Variants in MTFMT observed in about 807,000 individuals in gnomAD.
MTFMT encodes the protein methionyl-tRNA formyltransferase, mitochondrial.
In MTFMT, 47 loss-of-function variants were observed where a neutral mutation model predicts 51.8. The observed-to-expected ratio is 0.91, with a 90% confidence interval of 0.72 to 1.16. The LOEUF (loss-of-function observed/expected upper bound fraction) is 1.16. Among genes scored for constraint, MTFMT ranks in the 50% most tolerant of loss-of-function variants. The pLI, the probability that MTFMT is intolerant of heterozygous loss-of-function variation, is 0.00. For synonymous variants in MTFMT, 196 were observed against 176.7 expected (o/e 1.11, Z -0.87); for missense variants, 512 against 482.3 (o/e 1.06, Z -0.58).
intron 2 of MTFMT, among the ~76,000 whole-genome samples, chr15:65,025,029 C>CCTAA (rs3985664): frequency 0.84 from 127,387 of 151,598 alleles, 54,043 homozygotes; most frequent in Middle Eastern, 0.93. Context: ...TTAGGCCTGG[C>CCTAA]CTTTTATTGA....
chr15:65,029,571 G>T lies in MTFMT; in HGVS notation c.43C>A (p.His15Asn). 1 of 1,500,012 alleles carries T rather than the reference G, an allele frequency of 6.7e-7. No individual in the cohort carries two copies. Among genetic ancestry groups the T allele is most frequent in the Non-Finnish European group, 8.9e-7 (1 of 1,124,738 alleles). The allele number at this position is 1,500,012 out of a possible 1,614,324, so 92.9% of individuals were successfully genotyped here. Residue 15 changes from histidine to asparagine, a missense_variant, in exon 1 of 9, where the codon CAT (histidine) becomes AAT (asparagine). Transcript: ENST00000220058. ...CTCGGCCTCCCACGCCTGGCGCCAT[G>T]AGCCAGCGGAGGACCCCAACAGCGC... is the stretch of plus-strand genomic sequence containing the variant. The part of the protein sequence containing the change: ...VRRCWGPPLA[H>N]GARRGRPSPQ...
intron 7 of MTFMT, among the ~76,000 whole-genome samples, chr15:65,005,237 AG>A (rs2086212277): frequency 6.6e-6 from 1 of 152,196 alleles, no homozygotes; most frequent in Admixed American, 6.5e-5. Context: ...ACTAGCCAAC[AG>A]GGGGAAATAC....
intron 6 of MTFMT, among the ~76,000 whole-genome samples, chr15:65,008,591 A>C (rs1012743046): frequency 9.9e-5 from 15 of 152,206 alleles, no homozygotes; most frequent in African/African-American, 3.6e-4. Context: ...TTCTCAGTGC[A>C]GTGCTCTTTT....
intron 8 of MTFMT, among the ~76,000 whole-genome samples, chr15:65,004,150 G>A (rs2086202743): frequency 6.6e-6 from 1 of 151,894 alleles, no homozygotes; most frequent in Non-Finnish European, 1.5e-5. Flanking sequence ...CCAAGTAGCT[G>A]GGATTACAGG....
chr15:65,010,195 G>A (rs958955924), intron 6 of MTFMT, among the ~76,000 whole-genome samples: 10 of 151,826 alleles, frequency 6.6e-5, no homozygotes, highest in Admixed American at 3.9e-4. Flanking sequence ...TTTTTGTTTT[G>A]TTTTGTTTTT....
In MTFMT at chr15:65,029,395, G is replaced by T; in HGVS notation, c.209+10C>A. Reference sequence around the variant, plus strand: ...CAGCGGCCGGGTCCCCGGATCCCTGGCCCGGGTACCTGGCGGCGTGCAGCG... The same window carrying T: ...CAGCGGCCGGGTCCCCGGATCCCTGTCCCGGGTACCTGGCGGCGTGCAGCG... On this transcript the variant is annotated intron_variant, in intron 1 of 8. Transcript: ENST00000220058. 2.7e-6 allele frequency: 4 copies of T among 1,480,704 alleles called. No homozygotes were observed. The highest frequency in any genetic ancestry group is 3.6e-6 in the Non-Finnish European group (4 of 1,116,276). 91.7% of individuals were successfully genotyped at this position (1,480,704 alleles called of 1,614,324 possible). A position where few individuals can be genotyped will look rare whatever the true frequency, so the allele number is the denominator to read the frequency against.
At chr15:65,019,641 AAG>A (rs1283345082) in intron 5 of MTFMT, among the ~76,000 whole-genome samples, 1 of 151,856 alleles carries the variant, frequency 6.6e-6, no homozygotes, top group East Asian at 1.9e-4. Flanking sequence ...AGAGGAAAAA[AAG>A]AGGAATTTTT....
intron 1 of MTFMT, among the ~76,000 whole-genome samples, chr15:65,028,004 A>AG (rs148310530): frequency 1.3e-5 from 2 of 152,212 alleles, no homozygotes; most frequent in Non-Finnish European, 2.9e-5. Context: ...TCTAGTACCC[A>AG]GGGGGGTACA....
intron 4 of MTFMT, 78 bp downstream of exon 4, chr15:65,021,436 A>G: frequency 1.8e-6 from 2 of 1,089,296 alleles, no homozygotes; most frequent in East Asian, 2.4e-5. Flanking sequence ...TAGAAGTCAC[A>G]AAATTGTTCT....
chr15:65,014,596 G>GA (rs1203356359), intron 6 of MTFMT, among the ~76,000 whole-genome samples: 1 of 150,530 alleles, frequency 6.6e-6, no homozygotes, highest in Non-Finnish European at 1.5e-5. Context: ...AAAGTGCTGA[G>GA]ATAACAGGCG....
intron 5 of MTFMT, among the ~76,000 whole-genome samples, chr15:65,017,849 A>G (rs1352430451): frequency 6.6e-6 from 1 of 152,206 alleles, no homozygotes; most frequent in Non-Finnish European, 1.5e-5. Context: ...AGTAGTCTCC[A>G]TGATACACTA....
intron 6 of MTFMT, among the ~76,000 whole-genome samples, chr15:65,009,436 A>G (rs1216177668): frequency 6.6e-6 from 1 of 152,096 alleles, no homozygotes; most frequent in Non-Finnish European, 1.5e-5. Flanking sequence ...CCTCATCTCA[A>G]TTAAATGGTT....
chr15:65,028,075 C>T (rs1368604355), intron 1 of MTFMT, among the ~76,000 whole-genome samples: 1 of 152,062 alleles, frequency 6.6e-6, no homozygotes, highest in Non-Finnish European at 1.5e-5. Context: ...TCCTGGGGCA[C>T]TATAAAGAAA....
chr15:65,005,968 A>G (rs1488424893), intron 7 of MTFMT, 145 bp downstream of exon 7: 3 of 551,554 alleles, frequency 5.4e-6, no homozygotes, highest in African/African-American at 3.8e-5. Flanking sequence ...GAATAAGACA[A>G]TAAGTGAATG....
intron 6 of MTFMT, among the ~76,000 whole-genome samples, chr15:65,007,717 T>C (rs760341271): frequency 5.3e-5 from 8 of 152,262 alleles, no homozygotes. Context: ...CATATATTTA[T>C]GTGCACTTTT....
At chr15:65,019,344 A>G (rs1340109684) in intron 5 of MTFMT, among the ~76,000 whole-genome samples, 3 of 152,230 alleles carry the variant, frequency 2.0e-5, no homozygotes, top group Admixed American at 2.0e-4. Context: ...TATGTTTTAC[A>G]TATTCAAAAA....
At chr15:65,006,972 A>G (rs1309574822) in intron 6 of MTFMT, among the ~76,000 whole-genome samples, 1 of 152,196 alleles carries the variant, frequency 6.6e-6, no homozygotes, top group Non-Finnish European at 1.5e-5. Flanking sequence ...GCTTGACTCA[A>G]CATGTCCATG....
Position 65,021,636 on chromosome 15 carries a change from A to G in MTFMT, c.543-20T>C. 1 of 1,507,352 alleles carries G rather than the reference A, an allele frequency of 6.6e-7. No homozygotes were observed. The highest frequency in any genetic ancestry group is 9.2e-7 in the Non-Finnish European group (1 of 1,092,358). 93.4% of individuals were successfully genotyped at this position (1,507,352 alleles called of 1,614,324 possible). ...TCAAACCTAGCAAAAAATCAAAAGC[A>G]AATAATGACAATGATTACCATTTCC... On this transcript the variant is annotated intron_variant, in intron 3 of 8. Coordinates refer to ENST00000220058, the MANE Select transcript of MTFMT (RefSeq NM_139242.4).
intron 6 of MTFMT, among the ~76,000 whole-genome samples, chr15:65,010,732 AT>A (rs888023477): frequency 6.6e-6 from 1 of 152,196 alleles, no homozygotes; most frequent in Admixed American, 6.5e-5. Context: ...AGGAAAGGAA[AT>A]GCTGGGTCAT....
Sources: allele counts gnomAD v4.1 joint callset (sites outside exome capture counted in the v4.1 genomes callset), GRCh38; gene constraint gnomAD v4.1.1; transcripts MANE v1.5; gene names NCBI Gene and HGNC (gene_info 2026-07-23, HGNC 2026-07-21).